Variants in SLC28A2 observed in about 807,000 individuals in gnomAD.
SLC28A2 encodes the protein sodium/nucleoside cotransporter 2.
SLC28A2 carries 69 observed loss-of-function variants against 72.9 expected under a neutral mutation model. That is an observed-to-expected ratio of 0.95 (90% confidence interval 0.78 to 1.16). The LOEUF (loss-of-function observed/expected upper bound fraction) is 1.16. Among genes scored for constraint, SLC28A2 ranks in the 50% most tolerant of loss-of-function variants. The pLI is 0.00. For missense variants in SLC28A2, 745 were observed against 791.1 expected, an observed-to-expected ratio of 0.94 and a Z score of 0.70; for synonymous variants, 296 against 294.1, an observed-to-expected ratio of 1.01 and a Z score of -0.07.
intron 3 of SLC28A2, among the ~76,000 whole-genome samples, chr15:45,258,829 G>A (rs370789513): frequency 6.6e-6 from 1 of 152,146 alleles, no homozygotes. Flanking sequence ...TTTTAGTAAA[G>A]ATAAATACAC....
In SLC28A2 at chr15:45,272,354, A is replaced by C; in HGVS notation, c.1708A>C (p.Thr570Pro). The change falls in exon 16 of 18, where the codon ACA (threonine) becomes CCA (proline). Residue 570 changes from threonine (T) to proline (P), a missense_variant. Coordinates refer to ENST00000347644, the MANE Select transcript of SLC28A2 (RefSeq NM_004212.4). ...CAAGGTTGTGGTCAGGGCCCTCTTC[A>C]CAGGGGCCTGTGTATCCCTTATCAG... ...LSKVVVRALF[T>P]GACVSLISAC... 6.2e-7 allele frequency: 1 copy of C among 1,614,084 alleles called. No individual in the cohort carries two copies. Among genetic ancestry groups the C allele is most frequent in the Non-Finnish European group, 8.5e-7 (1 of 1,180,040 alleles).
At chr15:45,253,369 T>C in intron 2 of SLC28A2, 63 bp from the exon 3 acceptor site, 1 of 1,554,530 alleles carries the variant, frequency 6.4e-7, no homozygotes, top group African/African-American at 1.4e-5. Context: ...ATTTGGCTGC[T>C]CTCAATCCCC....
At chr15:45,266,236 TC>T (rs1900333260) in intron 10 of SLC28A2, 75 bp downstream of exon 10, 4 of 1,082,570 alleles carry the variant, frequency 3.7e-6, no homozygotes, top group Admixed American at 3.5e-5. Flanking sequence ...GAGTATGCTT[TC>T]CTTCTGAAAA....
intron 5 of SLC28A2, 150 bp downstream of exon 5, chr15:45,263,394 A>G (rs1900224900): frequency 2.8e-6 from 2 of 710,404 alleles, no homozygotes; most frequent in Non-Finnish European, 4.5e-6. Flanking sequence ...GCCTCTGAGC[A>G]CAGGACCTCA....
Position 45,275,700 on chromosome 15 carries a change from C to T in SLC28A2, c.*187C>T, listed in dbSNP as rs1346111040. 1.6e-5 allele frequency: 8 copies of T among 515,922 alleles called. No homozygotes were observed. Among genetic ancestry groups the T allele is most frequent in the Non-Finnish European group, 2.8e-5 (8 of 288,532 alleles). The allele number at this position is 515,922 out of a possible 1,614,324, so 32.0% of individuals were successfully genotyped here. On this transcript the variant is annotated 3_prime_UTR_variant, in exon 18 of 18. Transcript: ENST00000347644. ...CCTGTAATCCCAGCACTTTGGGAGG[C>T]CGAGGCGGGCGGATCACAAGGTCAG...
intron 15 of SLC28A2, 39 bp downstream of exon 15, chr15:45,270,315 C>A (rs935669389): frequency 2.2e-6 from 3 of 1,382,322 alleles, no homozygotes; most frequent in Non-Finnish European, 2.1e-6. Flanking sequence ...AGTAAGACAG[C>A]CAGATCCCAG....
Position 45,270,212 on chromosome 15 carries a change from TACA to T in SLC28A2, c.1588_1590del (p.Thr530del), listed in dbSNP as rs758173379. ...TTCCCTAGGTGAGAGCTGAAATCAT[TACA>T]ACATTTTCACTCTGTGGATTTGCCA... On this transcript the variant is annotated inframe_deletion, in exon 15 of 18. Transcript: ENST00000347644. 1.2e-6 allele frequency: 2 copies of T among 1,613,434 alleles called. No individual in the cohort carries two copies. Among genetic ancestry groups the T allele is most frequent in the Non-Finnish European group, 1.7e-6 (2 of 1,179,410 alleles).
At chr15:45,268,182 A>G in intron 12 of SLC28A2, 28 bp from the exon 13 acceptor site, 1 of 1,582,480 alleles carries the variant, frequency 6.3e-7, no homozygotes, top group Non-Finnish European at 8.7e-7. Flanking sequence ...TAGACACCCT[A>G]CTCTTGCCCT....
Position 45,263,181 on chromosome 15 carries a change from G to C in SLC28A2, c.383G>C (p.Gly128Ala), listed in dbSNP as rs1567058526. 14 of 1,613,982 alleles carry C rather than the reference G, an allele frequency of 8.7e-6. No homozygotes were observed. In the East Asian group the frequency reaches 3.1e-4, roughly 36 times the overall value. ...LVHSFLKKLLGKKLTRCLKPF... is the reference protein window; with the variant it reads ...LVHSFLKKLLAKKLTRCLKPF... ...CACTCGTTTTTGAAAAAGCTCCTGG[G>C]CAAAAAATTAACAAGATGTCTGAAG... The change falls in exon 5 of 18, where the codon GGC (glycine) becomes GCC (alanine). Residue 128 changes from glycine (G) to alanine (A), a missense_variant. Coordinates refer to ENST00000347644, the MANE Select transcript of SLC28A2 (RefSeq NM_004212.4).
At chr15:45,275,239 A>T (rs1706766) in intron 17 of SLC28A2, among the ~76,000 whole-genome samples, 157 bp from the exon 18 acceptor site, 9,380 of 152,284 alleles carry the variant, frequency 0.062, 957 homozygotes, top group African/African-American at 0.22. Flanking sequence ...GGAATGAATG[A>T]GAAAAGAAAC....
In SLC28A2 at chr15:45,277,025, T is replaced by C. The variant is rs1037294949; in HGVS notation, c.*1512T>C. 5.9e-5 allele frequency: 9 copies of C among 151,956 alleles called. No individual in the cohort carries two copies. The highest frequency in any genetic ancestry group is 2.2e-4 in the African/African-American group (9 of 41,362). The allele number at this position is 151,956 out of a possible 1,614,324, so 9.4% of individuals were successfully genotyped here. ...TTCAGAGGACATCTGACAGTGTGTC[T>C]CCAGACATTATTGGTGATTAAAGTG... is the stretch of plus-strand genomic sequence containing the variant. On this transcript the variant is annotated 3_prime_UTR_variant, in exon 18 of 18. Coordinates refer to ENST00000347644, the MANE Select transcript of SLC28A2 (RefSeq NM_004212.4).
intron 3 of SLC28A2, among the ~76,000 whole-genome samples, chr15:45,257,761 C>G (rs773834988): frequency 6.6e-6 from 1 of 152,118 alleles, no homozygotes; most frequent in Non-Finnish European, 1.5e-5. Context: ...TGAGTTCTTT[C>G]TCTATTCTGA....
rs181739347 is a variant in SLC28A2, at chr15:45,254,642, G to A, written c.170+1122G>A. Among the ~76,000 whole-genome samples the A allele has an allele frequency of 1.5e-3, 232 of 152,276 alleles. 1 individual carries two copies. The highest frequency in any genetic ancestry group is 2.9e-3 in the Admixed American group (44 of 15,298). ...GAATTTATCAGAATGTATCCCTGTTGTTAAGTAACACATGACTATATATGG... is the reference window on the plus strand; with the variant it reads ...GAATTTATCAGAATGTATCCCTGTTATTAAGTAACACATGACTATATATGG... On this transcript the variant is annotated intron_variant, in intron 3 of 17. Transcript: ENST00000347644.
At chr15:45,265,009 G>A (rs372429352) in intron 7 of SLC28A2, 80 bp from the exon 8 acceptor site, 43 of 1,108,904 alleles carry the variant, frequency 3.9e-5, no homozygotes, top group East Asian at 3.8e-4. Context: ...TCCTCAGGAC[G>A]CATGGGGCTG....
intron 16 of SLC28A2, 34 bp from the exon 17 acceptor site, chr15:45,272,639 T>G: frequency 8.3e-7 from 1 of 1,210,314 alleles, no homozygotes; most frequent in Non-Finnish European, 1.2e-6. Flanking sequence ...ACGTGTCAGA[T>G]CTTCCCCTTA....
At chr15:45,262,959 G>A in intron 4 of SLC28A2, 102 bp from the exon 5 acceptor site, 2 of 965,074 alleles carry the variant, frequency 2.1e-6, no homozygotes, top group Non-Finnish European at 3.1e-6. Flanking sequence ...GGTCTCTGGA[G>A]GGTTTTTCTT....
intron 1 of SLC28A2, 147 bp downstream of exon 1, chr15:45,252,425 T>G (rs1899822035): frequency 2.6e-6 from 1 of 383,280 alleles, no homozygotes; most frequent in Non-Finnish European, 5.1e-6. Context: ...TTTAATGAAA[T>G]TATACTTCAA....
At chr15:45,253,337 G>A (rs2140555177) in intron 2 of SLC28A2, 41 bp downstream of exon 2, 2 of 1,558,280 alleles carry the variant, frequency 1.3e-6, no homozygotes, top group East Asian at 2.2e-5. Flanking sequence ...GCTGTGGGCT[G>A]CTGCATGGGC....
At chr15:45,261,459 TAGAG>T (rs1221442891) in intron 3 of SLC28A2, among the ~76,000 whole-genome samples, 1 of 152,222 alleles carries the variant, frequency 6.6e-6, no homozygotes, top group Non-Finnish European at 1.5e-5. Context: ...GAGCTCAGCA[TAGAG>T]AAAGCACTAT....
Sources: gnomAD v4.1 joint callset for allele counts (sites outside exome capture counted in the v4.1 genomes callset) on GRCh38, gnomAD v4.1.1 for gene constraint, MANE v1.5 for transcripts, NCBI Gene and HGNC (gene_info 2026-07-23, HGNC 2026-07-21) for gene names.